DNAJB6: variants seen among roughly 807,000 people sequenced by gnomAD.
The protein encoded by DNAJB6 is dnaJ homolog subfamily B member 6.
DNAJB6 carries 16 observed loss-of-function variants against 42.7 expected under a neutral mutation model. The observed-to-expected ratio is 0.37, with a 90% CI of 0.25 to 0.57. The LOEUF is 0.57. Among genes scored for constraint, DNAJB6 ranks in the 20% least tolerant of loss-of-function variants. The probability of loss-of-function intolerance (pLI) is 0.74; values close to 1 mark genes in which losing one functional copy is unlikely to be tolerated. For missense variants in DNAJB6, 347 were observed against 416.8 expected, an observed-to-expected ratio of 0.83 and a Z score of 1.46; for synonymous variants, 170 against 163.5, an observed-to-expected ratio of 1.04 and a Z score of -0.30.
At chr7:157,361,745 TATTCATTCATTC>T (rs56963367) in intron 2 of DNAJB6, among the ~76,000 whole-genome samples, 18 of 150,876 alleles carry the variant, frequency 1.2e-4, no homozygotes, top group African/African-American at 3.4e-4. Context: ...GATTTTTTTG[TATTCATTCATTC>T]ATTCATTCAT....
At chr7:157,381,709 G>GTATTTACACT (rs1453240197) in intron 5 of DNAJB6, 1 of 151,554 alleles carries the variant, frequency 6.6e-6, no homozygotes, top group African/African-American at 2.4e-5. Context: ...GATTCATCAG[G>GTATTTACACT]TATTTACACT....
intron 1 of DNAJB6, among the ~76,000 whole-genome samples, chr7:157,341,637 CCT>C (rs1183916323): frequency 6.6e-6 from 1 of 152,130 alleles, no homozygotes; most frequent in Non-Finnish European, 1.5e-5. Context: ...AATACTTATT[CCT>C]CTCTGCCACC....
At chr7:157,350,389 C>T (rs1020891979) in intron 1 of DNAJB6, among the ~76,000 whole-genome samples, 4 of 152,156 alleles carry the variant, frequency 2.6e-5, no homozygotes, top group African/African-American at 9.7e-5. Flanking sequence ...AGAAATTGAA[C>T]CTGTATCGCA....
chr7:157,416,171 GCGCTAGGTAGC>G lies in DNAJB6; in HGVS notation c.*74_*84del. The stretch of plus-strand genomic sequence containing the variant: ...GTGCTCGGCATGCGGTCGTGCACAC[GCGCTAGGTAGC>G]AGCGTCGGTCAGGACTGTCTCGAGG... On this transcript the variant is annotated 3_prime_UTR_variant, in exon 10 of 10. Coordinates refer to ENST00000262177, the MANE Select transcript of DNAJB6 (RefSeq NM_058246.4). 1 of 1,565,630 alleles carries G rather than the reference GCGCTAGGTAGC, an allele frequency of 6.4e-7. No homozygotes were observed. The highest frequency in any genetic ancestry group is 1.1e-5 in the South Asian group (1 of 86,962).
intron 8 of DNAJB6, among the ~76,000 whole-genome samples, chr7:157,387,992 C>G (rs1801156143): frequency 6.6e-6 from 1 of 151,904 alleles, no homozygotes; most frequent in Non-Finnish European, 1.5e-5. Flanking sequence ...ATTACAGGCA[C>G]CCACCACCAC....
At chr7:157,378,582 C>T (rs995104618) in intron 5 of DNAJB6, 3 of 152,286 alleles carry the variant, frequency 2.0e-5, no homozygotes, top group South Asian at 4.1e-4. Flanking sequence ...TTCTCTCCAG[C>T]TCTGCTAGCC....
chr7:157,384,112 C>T (rs3824054), intron 6 of DNAJB6, among the ~76,000 whole-genome samples: 3,413 of 152,214 alleles, frequency 0.022, 151 homozygotes, highest in East Asian at 0.18. Flanking sequence ...AGGACAAAAG[C>T]TCTAACCAGT....
At chr7:157,365,341 G>A (rs1799790947) in intron 3 of DNAJB6, among the ~76,000 whole-genome samples, 1 of 152,242 alleles carries the variant, frequency 6.6e-6, no homozygotes, top group South Asian at 2.1e-4. Flanking sequence ...GATATAAGTA[G>A]CATTTGGAAT....
chr7:157,398,220 C>T (rs1801688983), intron 8 of DNAJB6, among the ~76,000 whole-genome samples: 2 of 152,224 alleles, frequency 1.3e-5, no homozygotes. Flanking sequence ...AGGGCAGGGT[C>T]TTGCTGGGTG....
intron 8 of DNAJB6, among the ~76,000 whole-genome samples, chr7:157,409,519 G>A (rs1384401358): frequency 1.3e-5 from 2 of 152,250 alleles, no homozygotes; most frequent in Admixed American, 6.5e-5. Flanking sequence ...CGGAAGAGGC[G>A]TGTTGACTGT....
intron 3 of DNAJB6, among the ~76,000 whole-genome samples, chr7:157,364,457 TTTTA>T (rs1188872016): frequency 6.6e-6 from 1 of 152,232 alleles, no homozygotes; most frequent in Non-Finnish European, 1.5e-5. Context: ...AGTTTATTTT[TTTTA>T]AAGAGAGAGG....
chr7:157,384,076 T>A (rs975038553), intron 6 of DNAJB6, among the ~76,000 whole-genome samples: 2 of 152,188 alleles, frequency 1.3e-5, no homozygotes, highest in African/African-American at 4.8e-5. Flanking sequence ...ATGCGTCATT[T>A]GTGTTAATGG....
chr7:157,406,396 G>A (rs1287839463), intron 8 of DNAJB6, among the ~76,000 whole-genome samples: 1 of 152,230 alleles, frequency 6.6e-6, no homozygotes, highest in East Asian at 1.9e-4. Context: ...TTGTGTGCTT[G>A]GCCTGGGGAC....
chr7:157,347,570 C>T (rs949125169), intron 1 of DNAJB6, among the ~76,000 whole-genome samples: 4 of 152,184 alleles, frequency 2.6e-5, no homozygotes, highest in African/African-American at 9.7e-5. Flanking sequence ...GCCCCCGTTT[C>T]CTCACCTACA....
chr7:157,395,235 G>A (rs547756751), intron 8 of DNAJB6, among the ~76,000 whole-genome samples: 1 of 152,232 alleles, frequency 6.6e-6, no homozygotes, highest in East Asian at 1.9e-4. Flanking sequence ...GGCTGGGGGG[G>A]GGTTGGTGCT....
chr7:157,357,276 GTCCT>G (rs1353995277), intron 1 of DNAJB6, among the ~76,000 whole-genome samples: 3 of 29,846 alleles, frequency 1.0e-4, no homozygotes, highest in Non-Finnish European at 1.5e-4. Context: ...CCTTCCTTCC[GTCCT>G]TCCTTCCGTC....
At chr7:157,409,460 A>G (rs917398722) in intron 8 of DNAJB6, among the ~76,000 whole-genome samples, 2 of 152,222 alleles carry the variant, frequency 1.3e-5, no homozygotes, top group Admixed American at 1.3e-4. Context: ...TGGTTTTGAC[A>G]GCGAACTTGT....
At chr7:157,339,601 T>TTGTGTGTGTGTGTGTG (rs59577692) in intron 1 of DNAJB6, among the ~76,000 whole-genome samples, 14 of 122,434 alleles carry the variant, frequency 1.1e-4, no homozygotes, top group African/African-American at 4.0e-4. Flanking sequence ...GCCCGGCCTT[T>TTGTGTGTGTGTGTGTG]TGTGTGTGTG....
intron 8 of DNAJB6, among the ~76,000 whole-genome samples, chr7:157,394,804 TACAG>T (rs748326214): frequency 1.4e-4 from 21 of 151,458 alleles, no homozygotes; most frequent in Non-Finnish European, 2.9e-4. Context: ...CTTAGAACCA[TACAG>T]AAAGTGGGCC....
Sources: gnomAD v4.1 joint callset for allele counts (sites outside exome capture counted in the v4.1 genomes callset) on GRCh38, gnomAD v4.1.1 for gene constraint, MANE v1.5 for transcripts, NCBI Gene and HGNC (gene_info 2026-07-23, HGNC 2026-07-21) for gene names.